The following WDR27 variants were observed in gnomAD, a reference collection of about 807,000 sequenced individuals.
The protein encoded by WDR27 is WD repeat domain 27, also known as WD repeat-containing protein 27.
In WDR27, 100 loss-of-function variants were observed where a neutral mutation model predicts 114.4. The ratio of observed to expected loss-of-function variants is 0.87; its 90% CI spans 0.74 to 1.03. The LOEUF (loss-of-function observed/expected upper bound fraction) is 1.03. Among genes scored for constraint, WDR27 ranks in the 50% least tolerant of loss-of-function variants. The pLI is 0.00. For synonymous variants in WDR27, 449 were observed against 423.1 expected (o/e 1.06, Z -0.75); for missense variants, 1,129 against 1,092.9 (o/e 1.03, Z -0.47).
intron 16 of WDR27, among the ~76,000 whole-genome samples, chr6:169,646,683 G>A (rs1820827071): frequency 1.3e-5 from 2 of 150,956 alleles, no homozygotes; most frequent in Non-Finnish European, 2.9e-5. Flanking sequence ...AGGAGGCGGA[G>A]ATTGCAGTGA....
intron 25 of WDR27, among the ~76,000 whole-genome samples, chr6:169,571,352 T>C (rs1801391387): frequency 6.6e-6 from 1 of 152,226 alleles, no homozygotes; most frequent in Non-Finnish European, 1.5e-5. Context: ...GCATTTCTAT[T>C]TGTACAATGA....
chr6:169,575,880 G>T, intron 24 of WDR27, among the ~76,000 whole-genome samples: 1 of 152,192 alleles, frequency 6.6e-6, no homozygotes, highest in East Asian at 1.9e-4. Context: ...ATATTTTAAG[G>T]TTCAACAATT....
chr6:169,610,723 A>C (rs1231057538), intron 22 of WDR27, among the ~76,000 whole-genome samples: 1 of 152,228 alleles, frequency 6.6e-6, no homozygotes, highest in African/African-American at 2.4e-5. Flanking sequence ...ATAAAAAAGA[A>C]CAAAAGAATG....
At chr6:169,694,661 T>C (rs1462476970) in intron 1 of WDR27, among the ~76,000 whole-genome samples, 1 of 152,176 alleles carries the variant, frequency 6.6e-6, no homozygotes, top group African/African-American at 2.4e-5. Flanking sequence ...TAATATGTAA[T>C]TAAACAGTTA....
intron 25 of WDR27, among the ~76,000 whole-genome samples, chr6:169,565,761 G>C (rs12212914): frequency 0.44 from 66,994 of 151,990 alleles, 18,595 homozygotes; most frequent in Non-Finnish European, 0.63. Context: ...TTGCAGCATC[G>C]ACCTCCCAGG....
intron 25 of WDR27, among the ~76,000 whole-genome samples, chr6:169,480,601 C>T (rs1283758461): frequency 6.6e-6 from 1 of 151,636 alleles, no homozygotes; most frequent in Non-Finnish European, 1.5e-5. Context: ...TGTGGATGCA[C>T]CAATCAGCAC....
intron 16 of WDR27, among the ~76,000 whole-genome samples, chr6:169,646,402 G>T (rs561661991): frequency 2.8e-4 from 42 of 152,180 alleles, no homozygotes; most frequent in Non-Finnish European, 5.7e-4. Flanking sequence ...TTGCCCAGAG[G>T]CATATTTGGC....
intron 25 of WDR27, among the ~76,000 whole-genome samples, chr6:169,547,467 A>G (rs999223715): frequency 6.6e-6 from 1 of 152,224 alleles, no homozygotes; most frequent in Non-Finnish European, 1.5e-5. Context: ...TACGAAAGAA[A>G]TTATACACCT....
chr6:169,643,802 TA>T lies in WDR27; in HGVS notation c.1658-17del. 1.2e-6 allele frequency: 2 copies of T among 1,602,138 alleles called. No homozygotes were observed. The highest frequency in any genetic ancestry group is 1.7e-6 in the Non-Finnish European group (2 of 1,173,320). ...TGCCCATCTCCTGTTAAAAGAATTT[TA>T]AAAAAAGACTTCTTAGAAAAGCCTA... On this transcript the variant is annotated splice_polypyrimidine_tract_variant and intron_variant, in intron 16 of 25. Coordinates refer to ENST00000448612, the MANE Select transcript of WDR27 (RefSeq NM_182552.5).
chr6:169,533,238 C>T (rs372569335), intron 25 of WDR27, among the ~76,000 whole-genome samples: 4 of 139,708 alleles, frequency 2.9e-5, no homozygotes, highest in African/African-American at 1.1e-4. Flanking sequence ...TGTGAGACAG[C>T]GTGGCATGGA....
intron 15 of WDR27, among the ~76,000 whole-genome samples, chr6:169,648,441 A>T (rs552770133): frequency 6.6e-6 from 1 of 152,204 alleles, no homozygotes; most frequent in African/African-American, 2.4e-5. Flanking sequence ...TTACCAAAAA[A>T]ATCAGAGCTG....
At chr6:169,435,134 T>C in the WDR27 span, among the ~76,000 whole-genome samples, 1 of 152,216 alleles carries the variant, frequency 6.6e-6, no homozygotes, top group Non-Finnish European at 1.5e-5. Flanking sequence ...AGTTTCCACA[T>C]GGTGTTGAAC....
At chr6:169,444,480 T>C in the WDR27 span, among the ~76,000 whole-genome samples, 1 of 152,118 alleles carries the variant, frequency 6.6e-6, no homozygotes, top group Admixed American at 6.5e-5. Flanking sequence ...TCAAGAAGCA[T>C]TTCTGAGAGT....
chr6:169,483,397 A>G (rs934494512), intron 25 of WDR27, among the ~76,000 whole-genome samples: 2 of 152,230 alleles, frequency 1.3e-5, no homozygotes, highest in Non-Finnish European at 2.9e-5. Flanking sequence ...ACCTCTATGC[A>G]TACGAACTAG....
chr6:169,481,534 C>T (rs959087775), intron 25 of WDR27, among the ~76,000 whole-genome samples: 3 of 152,336 alleles, frequency 2.0e-5, no homozygotes, highest in East Asian at 1.9e-4. Context: ...TTCGTGGCGC[C>T]TTTATGAGCT....
At chr6:169,482,870 GA>G (rs1788382453) in intron 25 of WDR27, among the ~76,000 whole-genome samples, 1 of 152,092 alleles carries the variant, frequency 6.6e-6, no homozygotes, top group Admixed American at 6.6e-5. Flanking sequence ...TAGGAATCAA[GA>G]CTAAGAAAAT....
At chr6:169,519,543 T>C (rs1794101701) in intron 25 of WDR27, among the ~76,000 whole-genome samples, 2 of 151,830 alleles carry the variant, frequency 1.3e-5, no homozygotes, top group South Asian at 4.2e-4. Context: ...TGCCATATAC[T>C]TAAACAACCA....
intron 21 of WDR27, among the ~76,000 whole-genome samples, chr6:169,616,466 G>A (rs1027365805): frequency 2.6e-5 from 4 of 152,134 alleles, no homozygotes; most frequent in Admixed American, 6.6e-5. Flanking sequence ...CCAGCCTGGC[G>A]ATAGAGCAAG....
intron 1 of WDR27, among the ~76,000 whole-genome samples, chr6:169,701,309 G>A (rs777816272): frequency 6.6e-6 from 1 of 152,148 alleles, no homozygotes; most frequent in Non-Finnish European, 1.5e-5. Context: ...AATCAAGTCA[G>A]AAACTTGCTG....
Sources: allele counts gnomAD v4.1 joint callset (sites outside exome capture counted in the v4.1 genomes callset), GRCh38; gene constraint gnomAD v4.1.1; transcripts MANE v1.5; gene names NCBI Gene and HGNC (gene_info 2026-07-23, HGNC 2026-07-21).